The following ARSB variants were observed in gnomAD, a reference collection of about 807,000 sequenced individuals.
ARSB encodes the protein N-acetylgalactosamine-4-sulfatase.
In ARSB, 41 loss-of-function variants were observed where a neutral mutation model predicts 50.9. That is an observed-to-expected ratio of 0.81 (90% CI 0.63 to 1.04). ARSB has a LOEUF of 1.04. Ranked by LOEUF, ARSB falls within the 50% of genes least tolerant of loss-of-function variation. ARSB has a pLI of 0.00. For synonymous variants in ARSB, 269 were observed against 284.8 expected (o/e 0.94, Z 0.56); for missense variants, 672 against 693.3 (o/e 0.97, Z 0.35).
At chr5:78,980,430 A>G (rs1232726472) in intron 1 of ARSB, among the ~76,000 whole-genome samples, 1 of 152,236 alleles carries the variant, frequency 6.6e-6, no homozygotes, top group Non-Finnish European at 1.5e-5. Context: ...ATTCTTTGAT[A>G]TATCAAAAGG....
At chr5:78,838,529 CAAA>C (rs2112715957) in intron 6 of ARSB, among the ~76,000 whole-genome samples, 1 of 152,236 alleles carries the variant, frequency 6.6e-6, no homozygotes, top group African/African-American at 2.4e-5. Flanking sequence ...TTGGAAAAAA[CAAA>C]GAAGTAAGGA....
chr5:78,813,021 A>G (rs959626675), intron 6 of ARSB, among the ~76,000 whole-genome samples: 9 of 152,164 alleles, frequency 5.9e-5, no homozygotes. Flanking sequence ...TGATGATAAA[A>G]AAGTTTACAA....
chr5:78,871,612 T>G (rs566835775), intron 5 of ARSB, among the ~76,000 whole-genome samples: 104 of 145,324 alleles, frequency 7.2e-4, no homozygotes, highest in Middle Eastern at 7.0e-3. Flanking sequence ...TGGCTAGCCA[T>G]ATGTAGAAAG....
chr5:78,922,216 G>A (rs1749852041), intron 4 of ARSB, among the ~76,000 whole-genome samples: 1 of 142,458 alleles, frequency 7.0e-6, no homozygotes, highest in Non-Finnish European at 1.5e-5. Flanking sequence ...GGGGGAGGAG[G>A]GGGCACGTGA....
At chr5:78,945,562 T>C (rs1357277723) in intron 4 of ARSB, among the ~76,000 whole-genome samples, 2 of 152,178 alleles carry the variant, frequency 1.3e-5, no homozygotes, top group South Asian at 2.1e-4. Context: ...TCACCCTCCA[T>C]TTCAGTTCTA....
rs577669978 is a variant in ARSB, at chr5:78,932,736, G to T, written c.898+22559C>A. ...GTACCTATTAAATGGGTAGATACAT[G>T]TAAAGTGCTTGGCACAACAACTAGG... On this transcript the variant is annotated intron_variant, in intron 4 of 7. Coordinates refer to ENST00000264914, the MANE Select transcript of ARSB (RefSeq NM_000046.5). Among the ~76,000 whole-genome samples, 3 of 152,328 alleles carry T rather than the reference G, an allele frequency of 2.0e-5. No homozygotes were observed. In the South Asian group the frequency reaches 6.2e-4, roughly 32 times the overall value.
chr5:78,853,022 G>A (rs1039799080), intron 5 of ARSB, among the ~76,000 whole-genome samples: 3 of 152,196 alleles, frequency 2.0e-5, no homozygotes, highest in Non-Finnish European at 4.4e-5. Context: ...GTAGCTCAGA[G>A]TAGTTTGATA....
intron 6 of ARSB, among the ~76,000 whole-genome samples, chr5:78,805,969 G>A (rs1294952163): frequency 6.6e-6 from 1 of 152,186 alleles, no homozygotes; most frequent in Non-Finnish European, 1.5e-5. Flanking sequence ...TGCGGCCTTG[G>A]GGGCAAATTG....
At chr5:78,948,237 G>A (rs1454833299) in intron 4 of ARSB, among the ~76,000 whole-genome samples, 1 of 151,892 alleles carries the variant, frequency 6.6e-6, no homozygotes, top group Non-Finnish European at 1.5e-5. Flanking sequence ...AACACAATAG[G>A]GTGACTACAG....
intron 4 of ARSB, among the ~76,000 whole-genome samples, chr5:78,923,757 C>T (rs1170689025): frequency 2.0e-5 from 3 of 152,140 alleles, no homozygotes; most frequent in African/African-American, 7.2e-5. Context: ...TGCCCCAATC[C>T]TACCCAGTTG....
intron 4 of ARSB, among the ~76,000 whole-genome samples, chr5:78,905,526 G>C (rs577728912): frequency 6.6e-6 from 1 of 152,214 alleles, no homozygotes; most frequent in East Asian, 1.9e-4. Flanking sequence ...GTGGACAGTG[G>C]CTCTAATGTC....
intron 1 of ARSB, among the ~76,000 whole-genome samples, chr5:78,971,246 C>A (rs947503843): frequency 4.6e-5 from 7 of 152,186 alleles, no homozygotes; most frequent in African/African-American, 1.7e-4. Flanking sequence ...CAGTCCCACC[C>A]TTCCCTAAAA....
chr5:78,959,617 T>C (rs1751895374), intron 3 of ARSB, among the ~76,000 whole-genome samples: 1 of 152,156 alleles, frequency 6.6e-6, no homozygotes, highest in South Asian at 2.1e-4. Context: ...TACCAGTCCA[T>C]GTCGGTACTA....
At chr5:78,809,131 G>A (rs531191377) in intron 6 of ARSB, among the ~76,000 whole-genome samples, 75 of 152,318 alleles carry the variant, frequency 4.9e-4, no homozygotes, top group Middle Eastern at 3.4e-3. Flanking sequence ...ATCTAACAAA[G>A]AATGTGAATA....
chr5:78,955,915 CT>C (rs746863789), intron 3 of ARSB, among the ~76,000 whole-genome samples: 3 of 152,188 alleles, frequency 2.0e-5, no homozygotes, highest in Non-Finnish European at 4.4e-5. Flanking sequence ...GAAATTGGAA[CT>C]GTCATTCATT....
intron 6 of ARSB, among the ~76,000 whole-genome samples, chr5:78,795,228 GC>G (rs1289176335): frequency 6.6e-6 from 1 of 152,170 alleles, no homozygotes; most frequent in East Asian, 1.9e-4. Context: ...CTATGCAGCT[GC>G]CCAGCAGAGG....
chr5:78,883,738 C>A (rs923923548), intron 5 of ARSB: 2 of 152,192 alleles, frequency 1.3e-5, no homozygotes, highest in Non-Finnish European at 2.9e-5. Context: ...AACCCATAGA[C>A]TCCACGTTGT....
At chr5:78,786,723 G>A (rs902143977) in intron 6 of ARSB, among the ~76,000 whole-genome samples, 2 of 152,126 alleles carry the variant, frequency 1.3e-5, no homozygotes, top group East Asian at 1.9e-4. Flanking sequence ...AGGCTCAAGC[G>A]ATCCTCTCAC....
intron 6 of ARSB, among the ~76,000 whole-genome samples, chr5:78,837,363 C>T (rs575282700): frequency 5.3e-5 from 8 of 152,276 alleles, no homozygotes; most frequent in African/African-American, 1.7e-4. Context: ...TCTCTTCCAG[C>T]CACCCTTAGA....
Sources: gnomAD v4.1 joint callset for allele counts (sites outside exome capture counted in the v4.1 genomes callset) on GRCh38, gnomAD v4.1.1 for gene constraint, MANE v1.5 for transcripts, NCBI Gene and HGNC (gene_info 2026-07-23, HGNC 2026-07-21) for gene names.